PPP1R12A: variants seen among roughly 807,000 people sequenced by gnomAD.
The protein encoded by PPP1R12A is myosin binding subunit.
PPP1R12A carries 19 observed loss-of-function variants against 139.6 expected under a neutral mutation model. The ratio of observed to expected loss-of-function variants is 0.14; its 90% CI spans 0.09 to 0.20. The LOEUF is 0.20. Among genes scored for constraint, PPP1R12A ranks in the 10% least tolerant of loss-of-function variants. The pLI, the probability that PPP1R12A is intolerant of heterozygous loss-of-function variation, is 1.00. For missense variants in PPP1R12A, 925 were observed against 1,211.5 expected (o/e 0.76, Z 3.51); for synonymous variants, 427 against 420.6 (o/e 1.02, Z -0.19).
At chr12:79,827,499 C>A (rs1335210650) in intron 5 of PPP1R12A, among the ~76,000 whole-genome samples, 1 of 152,096 alleles carries the variant, frequency 6.6e-6, no homozygotes, top group Non-Finnish European at 1.5e-5. Flanking sequence ...ATCAAACCCA[C>A]TAGAGGAGAC....
chr12:79,903,347 A>G (rs1456599108), intron 1 of PPP1R12A, among the ~76,000 whole-genome samples: 1 of 151,890 alleles, frequency 6.6e-6, no homozygotes, highest in African/African-American at 2.4e-5. Context: ...GCTACTCGGG[A>G]GGCTGAGGCA....
chr12:79,910,950 C>T (rs572358289), intron 1 of PPP1R12A, among the ~76,000 whole-genome samples: 31 of 152,194 alleles, frequency 2.0e-4, no homozygotes, highest in African/African-American at 6.5e-4. Context: ...ACCAAAAAAC[C>T]CCCATAACTT....
At chr12:79,905,181 C>A (rs1885989166) in intron 1 of PPP1R12A, among the ~76,000 whole-genome samples, 1 of 152,000 alleles carries the variant, frequency 6.6e-6, no homozygotes, top group Non-Finnish European at 1.5e-5. Context: ...AAAGTCTATT[C>A]TGCAAAATTC....
At chr12:79,832,881 T>A (rs977055287) in intron 3 of PPP1R12A, among the ~76,000 whole-genome samples, 3 of 152,188 alleles carry the variant, frequency 2.0e-5, no homozygotes, top group Non-Finnish European at 4.4e-5. Context: ...AAATCTAGCC[T>A]AGCAGGTACA....
chr12:79,797,308 TTTCTTC>T lies in PPP1R12A; in HGVS notation c.2173_2178del (p.Glu725_Glu726del), dbSNP rs1187670377. ...TGTTTCTCTTTTTCCTCTTTTTCTT[TTTCTTC>T]ATTTTCTTGTTCTCTGGTTCGGGTA... On this transcript the variant is annotated inframe_deletion, in exon 16 of 25. Transcript: ENST00000450142. The T allele has an allele frequency of 6.3e-7, 1 of 1,593,828 alleles. No individual in the cohort carries two copies. Among genetic ancestry groups the T allele is most frequent in the Admixed American group, 1.8e-5 (1 of 57,042 alleles).
At chr12:79,910,693 C>T (rs1379998110) in intron 1 of PPP1R12A, among the ~76,000 whole-genome samples, 1 of 152,120 alleles carries the variant, frequency 6.6e-6, no homozygotes, top group Non-Finnish European at 1.5e-5. Flanking sequence ...CACATAAACA[C>T]ATCTAATTTC....
chr12:79,909,281 A>C (rs1886368220), intron 1 of PPP1R12A, among the ~76,000 whole-genome samples: 1 of 152,210 alleles, frequency 6.6e-6, no homozygotes, highest in Non-Finnish European at 1.5e-5. Flanking sequence ...CATGTCTGTT[A>C]TATCCTTAAA....
intron 1 of PPP1R12A, among the ~76,000 whole-genome samples, chr12:79,890,905 C>CCACACACACA (rs1303227049): frequency 0.011 from 1,218 of 115,560 alleles, 23 homozygotes; most frequent in South Asian, 0.019. Flanking sequence ...CCACACCCAC[C>CCACACACACA]CACACACACA....
intron 23 of PPP1R12A, 21 bp downstream of exon 23, chr12:79,781,794 T>A: frequency 2.1e-6 from 3 of 1,417,490 alleles, no homozygotes; most frequent in Non-Finnish European, 2.8e-6. Flanking sequence ...AAAATAATTA[T>A]TTAATAAGTG....
At chr12:79,872,691 A>G (rs1276759817) in intron 2 of PPP1R12A, 117 bp downstream of exon 2, 4 of 1,148,714 alleles carry the variant, frequency 3.5e-6, no homozygotes, top group Admixed American at 2.7e-5. Context: ...CTTGGAAAGA[A>G]TAATTTTCAT....
At chr12:79,872,472 A>T (rs1163974748) in intron 2 of PPP1R12A, among the ~76,000 whole-genome samples, 1 of 152,146 alleles carries the variant, frequency 6.6e-6, no homozygotes, top group Non-Finnish European at 1.5e-5. Flanking sequence ...CAAATTTATG[A>T]TTATAAAGGA....
In PPP1R12A at chr12:79,774,717, A is replaced by G. The variant is rs1480469976; in HGVS notation, c.*1212T>C. ...AAAGTCGATGCCTCTTCACATGGCAATAACAGTGCATTTAACATTAACTCA... is the reference window on the plus strand; with the variant it reads ...AAAGTCGATGCCTCTTCACATGGCAGTAACAGTGCATTTAACATTAACTCA... On this transcript the variant is annotated 3_prime_UTR_variant, in exon 25 of 25. Transcript: ENST00000450142. The G allele has an allele frequency of 2.6e-5, 4 of 152,412 alleles. No homozygotes were observed. Among genetic ancestry groups the G allele is most frequent in the East Asian group, 3.8e-4 (2 of 5,196 alleles). The allele number at this position is 152,412 out of a possible 1,614,324, so 9.4% of individuals were successfully genotyped here.
chr12:79,819,651 T>C (rs1592664921), intron 8 of PPP1R12A, among the ~76,000 whole-genome samples: 1 of 152,152 alleles, frequency 6.6e-6, no homozygotes, highest in South Asian at 2.1e-4. Context: ...AAAATAACTT[T>C]AGGCTATAGG....
At chr12:79,928,309 G>T (rs911582666) in intron 1 of PPP1R12A, among the ~76,000 whole-genome samples, 3 of 152,234 alleles carry the variant, frequency 2.0e-5, no homozygotes, top group Non-Finnish European at 2.9e-5. Context: ...AGGAAGCACA[G>T]AGGCAGCAAC....
chr12:79,900,485 G>A (rs1045944806), intron 1 of PPP1R12A, among the ~76,000 whole-genome samples: 23 of 152,142 alleles, frequency 1.5e-4, no homozygotes, highest in East Asian at 7.7e-4. Flanking sequence ...ACACATTTCC[G>A]TAAATGTGCC....
chr12:79,904,215 C>CA (rs937334050), intron 1 of PPP1R12A, among the ~76,000 whole-genome samples: 137 of 133,014 alleles, frequency 1.0e-3, no homozygotes, highest in Admixed American at 1.2e-3. Context: ...ACTCTGTCTC[C>CA]AAAAAAAAAA....
chr12:79,849,726 A>T (rs1430159955), intron 2 of PPP1R12A, among the ~76,000 whole-genome samples: 1 of 152,202 alleles, frequency 6.6e-6, no homozygotes, highest in Non-Finnish European at 1.5e-5. Flanking sequence ...GGTAAAGAAA[A>T]TCAGGCCTAT....
intron 1 of PPP1R12A, among the ~76,000 whole-genome samples, chr12:79,894,966 T>A (rs924612174): frequency 7.2e-5 from 11 of 152,090 alleles, no homozygotes; most frequent in South Asian, 2.1e-4. Flanking sequence ...TTTGCCAAAA[T>A]TTTTTTTAAA....
At chr12:79,822,521 A>G (rs1035101479) in intron 5 of PPP1R12A, among the ~76,000 whole-genome samples, 1 of 152,190 alleles carries the variant, frequency 6.6e-6, no homozygotes, top group African/African-American at 2.4e-5. Flanking sequence ...TCAATTTCAA[A>G]TATTTTTATC....
Sources: allele counts gnomAD v4.1 joint callset (sites outside exome capture counted in the v4.1 genomes callset), GRCh38; gene constraint gnomAD v4.1.1; transcripts MANE v1.5; gene names NCBI Gene and HGNC (gene_info 2026-07-23, HGNC 2026-07-21).